Variants in NBEA observed in about 807,000 individuals in gnomAD.
NBEA encodes the protein lysosomal-trafficking regulator 2.
Under a neutral mutation model 343.4 loss-of-function variants are expected in NBEA, and 44 were observed. The observed-to-expected ratio is 0.13, with a 90% confidence interval of 0.10 to 0.16. NBEA has a LOEUF of 0.16. NBEA is among the 10% of genes least tolerant of loss of function. The pLI, the probability that NBEA is intolerant of heterozygous loss-of-function variation, is 1.00. For synonymous variants in NBEA, 1,175 were observed against 1,238.7 expected, an observed-to-expected ratio of 0.95 and a Z score of 1.08; for missense variants, 2,555 against 3,631.3, an observed-to-expected ratio of 0.70 and a Z score of 7.62.
At chr13:35,030,854 T>C (rs2062186425) in intron 1 of NBEA, among the ~76,000 whole-genome samples, 1 of 151,580 alleles carries the variant, frequency 6.6e-6, no homozygotes, top group Non-Finnish European at 1.5e-5. Flanking sequence ...AAAGGGGCAA[T>C]GTGTTTTTGG....
rs1039755539 is a variant in NBEA, at chr13:34,961,386, T to G, written c.294+18272T>G. Among the ~76,000 whole-genome samples the G allele has an allele frequency of 3.9e-5, 6 of 152,176 alleles. No individual in the cohort carries two copies. In the East Asian group the frequency reaches 7.7e-4, roughly 20 times the overall value. ...GTTATTAAATTATATCATTGTCCAG[T>G]TTTGACTCAGTTATTCAGTGTGGGT... On this transcript the variant is annotated intron_variant, in intron 1 of 58. Coordinates refer to ENST00000379939, the MANE Select transcript of NBEA (RefSeq NM_001385012.1).
chr13:35,652,680 C>T (rs1593478339), intron 53 of NBEA, among the ~76,000 whole-genome samples: 1 of 126,422 alleles, frequency 7.9e-6, no homozygotes. Flanking sequence ...AACATCTTTT[C>T]TGGCAGTCTT....
intron 41 of NBEA, among the ~76,000 whole-genome samples, chr13:35,549,256 G>A (rs1369017654): frequency 6.6e-6 from 1 of 152,140 alleles, no homozygotes. Context: ...CATATTTTAT[G>A]TATATTTCCT....
chr13:35,265,062 A>G (rs1040980482), intron 34 of NBEA, among the ~76,000 whole-genome samples: 5 of 151,994 alleles, frequency 3.3e-5, no homozygotes, highest in African/African-American at 7.2e-5. Flanking sequence ...TCAATATACA[A>G]AAAATCAATA....
chr13:35,173,761 C>T (rs779280938), intron 27 of NBEA, among the ~76,000 whole-genome samples, 167 bp downstream of exon 27: 21 of 152,246 alleles, frequency 1.4e-4, no homozygotes, highest in Middle Eastern at 3.4e-3. Flanking sequence ...TACTTAACTT[C>T]TCTGAGATTT....
chr13:35,289,313 G>A (rs929635019), intron 34 of NBEA, among the ~76,000 whole-genome samples: 2 of 151,696 alleles, frequency 1.3e-5, no homozygotes, highest in South Asian at 4.1e-4. Context: ...AACTATGAAT[G>A]TTCTTGTTAC....
chr13:35,354,478 C>T (rs1286362693), intron 38 of NBEA, among the ~76,000 whole-genome samples: 3 of 152,092 alleles, frequency 2.0e-5, no homozygotes, highest in Admixed American at 6.5e-5. Flanking sequence ...ATGTCAGATG[C>T]GTCCTGTGCT....
At chr13:35,397,635 G>A (rs964710924) in intron 38 of NBEA, among the ~76,000 whole-genome samples, 2 of 152,052 alleles carry the variant, frequency 1.3e-5, no homozygotes, top group African/African-American at 4.8e-5. Flanking sequence ...GAGATACTGT[G>A]GGTTCAGTTC....
At chr13:35,549,520 T>C (rs902473088) in intron 41 of NBEA, among the ~76,000 whole-genome samples, 11 of 152,288 alleles carry the variant, frequency 7.2e-5, no homozygotes, top group Admixed American at 6.5e-5. Context: ...ATATAGATTA[T>C]ATACATGGTA....
chr13:35,642,941 A>G (rs1420578451), intron 49 of NBEA, among the ~76,000 whole-genome samples: 1 of 151,408 alleles, frequency 6.6e-6, no homozygotes, highest in Non-Finnish European at 1.5e-5. Context: ...TAGGTACTCA[A>G]CAAATACATG....
intron 38 of NBEA, among the ~76,000 whole-genome samples, chr13:35,406,342 G>A (rs1594512077): frequency 6.8e-6 from 1 of 146,882 alleles, no homozygotes; most frequent in Non-Finnish European, 1.5e-5. Flanking sequence ...GGGGGGAAAA[G>A]ATGGTGTTTG....
chr13:35,506,345 A>G (rs2077072286), intron 41 of NBEA, among the ~76,000 whole-genome samples: 1 of 152,220 alleles, frequency 6.6e-6, no homozygotes, highest in Admixed American at 6.5e-5. Context: ...CTGAGATTAC[A>G]AGCGTGAGCC....
intron 40 of NBEA, among the ~76,000 whole-genome samples, chr13:35,465,814 A>C (rs2075364363): frequency 6.7e-6 from 1 of 150,134 alleles, no homozygotes; most frequent in Non-Finnish European, 1.5e-5. Flanking sequence ...CTTTGCAGAA[A>C]ATGCAGCAGT....
intron 46 of NBEA, among the ~76,000 whole-genome samples, chr13:35,587,318 G>A (rs900240730): frequency 2.0e-5 from 3 of 152,144 alleles, no homozygotes; most frequent in Non-Finnish European, 4.4e-5. Context: ...AGTTCATCAG[G>A]TTAGTCCACA....
chr13:35,128,550 G>C (rs2067249940), intron 17 of NBEA, among the ~76,000 whole-genome samples: 1 of 152,100 alleles, frequency 6.6e-6, no homozygotes, highest in African/African-American at 2.4e-5. Flanking sequence ...AGGGGCTCAT[G>C]GTGCAGGACT....
At chr13:35,315,048 C>A (rs1276001332) in intron 36 of NBEA, among the ~76,000 whole-genome samples, 1 of 152,156 alleles carries the variant, frequency 6.6e-6, no homozygotes. Flanking sequence ...TTTATACATG[C>A]TTTTATCCCA....
chr13:35,060,723 T>C (rs1484323304), intron 8 of NBEA, among the ~76,000 whole-genome samples: 3 of 148,976 alleles, frequency 2.0e-5, no homozygotes, highest in African/African-American at 4.9e-5. Context: ...GCTTTTTTTT[T>C]CAGAAATTCA....
chr13:35,370,493 A>G (rs2041367188), intron 38 of NBEA, among the ~76,000 whole-genome samples: 2 of 151,968 alleles, frequency 1.3e-5, no homozygotes, highest in African/African-American at 2.4e-5. Flanking sequence ...CATTCAGCCA[A>G]TATATATATT....
At chr13:35,167,094 A>T (rs942900241) in intron 24 of NBEA, among the ~76,000 whole-genome samples, 8 of 152,000 alleles carry the variant, frequency 5.3e-5, no homozygotes, top group Admixed American at 2.0e-4. Flanking sequence ...AAGAAATAGG[A>T]ATAATAATGG....
Sources: gnomAD v4.1 joint callset for allele counts (sites outside exome capture counted in the v4.1 genomes callset) on GRCh38, gnomAD v4.1.1 for gene constraint, MANE v1.5 for transcripts, NCBI Gene and HGNC (gene_info 2026-07-23, HGNC 2026-07-21) for gene names.